The following FBXL18 variants were observed in gnomAD, a reference collection of about 807,000 sequenced individuals.
FBXL18 encodes F-box and leucine rich repeat protein 18, also known as F-box/LRR-repeat protein 18.
In FBXL18, 36 loss-of-function variants were observed where a neutral mutation model predicts 46.0. The observed-to-expected ratio is 0.78, with a 90% CI of 0.60 to 1.03. FBXL18 has a LOEUF of 1.03. Ranked by LOEUF, FBXL18 falls within the 50% of genes least tolerant of loss-of-function variation. FBXL18 has a pLI of 0.00. For missense variants in FBXL18, 977 were observed against 1,004.1 expected (o/e 0.97, Z 0.36); for synonymous variants, 557 against 465.3 (o/e 1.20, Z -2.54).
At chr7:5,462,163 G>C (rs1297651516) in intron 4 of FBXL18, among the ~76,000 whole-genome samples, 1 of 151,228 alleles carries the variant, frequency 6.6e-6, no homozygotes, top group Non-Finnish European at 1.5e-5. Context: ...AGGAGGTGGA[G>C]GCTGCAGTGA....
intron 4 of FBXL18, among the ~76,000 whole-genome samples, chr7:5,487,698 G>T (rs970084401): frequency 1.7e-4 from 26 of 152,286 alleles, no homozygotes; most frequent in African/African-American, 6.3e-4. Flanking sequence ...GCCTGGAGCA[G>T]AGAGAGGCAC....
rs552105288 is a variant in FBXL18, at chr7:5,493,669, G to A, written c.1782-2220C>T. On this transcript the variant is annotated intron_variant, in intron 3 of 4. Transcript: ENST00000382368. The stretch of plus-strand genomic sequence containing the variant: ...GTTATTTACTTTTGTGTGTGTGTGC[G>A]TGCGTGCGTGCGTGCGTGTGTGTGT... Among the ~76,000 whole-genome samples, 91 of 90,310 alleles carry A rather than the reference G, an allele frequency of 1.0e-3. No individual in the cohort carries two copies. In the Admixed American group the frequency reaches 0.011, roughly 10 times the overall value. 59.2% of individuals were successfully genotyped at this position (90,310 alleles called of 152,430 possible). A position where few individuals can be genotyped will look rare whatever the true frequency, so the allele number is the denominator to read the frequency against.
chr7:5,455,031 C>G lies in FBXL18; in HGVS notation c.2001-7188G>C, dbSNP rs1241763175. On this transcript the variant is annotated intron_variant and NMD_transcript_variant, in intron 4 of 6. Coordinates refer to the FBXL18 transcript ENST00000415009. The surrounding 1 kb of genome is among the most constrained non-coding windows in gnomAD (Gnocchi z 4.6). ...GGTGCTCTAAGAGTGATCCCAGTCACACTGGCACTCCGAGTGCCACCTTCC... is the reference window on the plus strand; with the variant it reads ...GGTGCTCTAAGAGTGATCCCAGTCAGACTGGCACTCCGAGTGCCACCTTCC... Among the ~76,000 whole-genome samples the G allele has an allele frequency of 6.6e-6, 1 of 152,212 alleles. No homozygotes were observed. The highest frequency in any genetic ancestry group is 1.5e-5 in the Non-Finnish European group (1 of 68,038).
intron 4 of FBXL18, among the ~76,000 whole-genome samples, chr7:5,460,170 C>A (rs981139985): frequency 7.9e-5 from 12 of 152,120 alleles, no homozygotes; most frequent in Non-Finnish European, 1.3e-4. Context: ...AGGAGAATCA[C>A]TTGAACCTGG....
chr7:5,466,205 G>A lies in FBXL18; in HGVS notation c.2001-18362C>T, dbSNP rs558025163. ...AAGAAAAGAAAAGAAAAAAAAAAGAGGTCACCAGAAACCCTTCCATCTGGA... is the reference window on the plus strand; with the variant it reads ...AAGAAAAGAAAAGAAAAAAAAAAGAAGTCACCAGAAACCCTTCCATCTGGA... On this transcript the variant is annotated intron_variant and NMD_transcript_variant, in intron 4 of 6. Transcript: ENST00000415009. Among the ~76,000 whole-genome samples, 21 of 151,746 alleles carry A rather than the reference G, an allele frequency of 1.4e-4. No homozygotes were observed. In the South Asian group the frequency reaches 4.2e-3, roughly 30 times the overall value.
downstream of FBXL18, among the ~76,000 whole-genome samples, chr7:5,473,842 T>C (rs551923851): frequency 6.6e-6 from 1 of 151,682 alleles, no homozygotes; most frequent in South Asian, 2.1e-4. Context: ...CCCAGGCTGC[T>C]GGAGGGTAAT....
intron 4 of FBXL18, among the ~76,000 whole-genome samples, 175 bp from the exon 5 acceptor site, chr7:5,482,106 G>A (rs540702416): frequency 1.6e-4 from 25 of 152,338 alleles, no homozygotes; most frequent in African/African-American, 5.3e-4. Context: ...GGCCCTGTAC[G>A]TGGCAGACAG....
intron 3 of FBXL18, among the ~76,000 whole-genome samples, chr7:5,492,030 C>G (rs1286523941): frequency 1.3e-5 from 2 of 151,326 alleles, no homozygotes; most frequent in African/African-American, 4.9e-5. Flanking sequence ...GAGGACAGCG[C>G]TGGATGGCTG....
rs1485418996 is a variant in FBXL18 at position 5,481,539 on chromosome 7, G to A, written c.*236C>T. 5.3e-6 allele frequency: 2 copies of A among 380,496 alleles called. No homozygotes were observed. Among genetic ancestry groups the A allele is most frequent in the Admixed American group, 8.9e-5 (2 of 22,514 alleles). 23.6% of individuals were successfully genotyped at this position (380,496 alleles called of 1,614,324 possible). ...CCTGGTTCAGCCAGCCCCCCACATC[G>A]ACCGTCCCCCGAGCCCCCTCATGTC... On this transcript the variant is annotated 3_prime_UTR_variant, in exon 5 of 5. Coordinates refer to ENST00000382368, the MANE Select transcript of FBXL18 (RefSeq NM_024963.6).
rs868127462 is a variant in FBXL18 at position 5,498,493 on chromosome 7, C to T, written c.1781+1995G>A. Among the ~76,000 whole-genome samples the T allele has an allele frequency of 1.9e-4, 29 of 152,330 alleles. 1 individual carries two copies. The highest frequency in any genetic ancestry group is 6.8e-3 in the Middle Eastern group (2 of 294). ...CAGACCCCACCTATTCAGGGCTCTTCGCGTGTTCTGGCCTCCCTGGCAAAG... is the reference window on the plus strand; with the variant it reads ...CAGACCCCACCTATTCAGGGCTCTTTGCGTGTTCTGGCCTCCCTGGCAAAG... On this transcript the variant is annotated intron_variant, in intron 3 of 4. Coordinates refer to ENST00000382368, the MANE Select transcript of FBXL18 (RefSeq NM_024963.6).
chr7:5,495,035 TG>T lies in FBXL18; in HGVS notation c.1782-3587del, dbSNP rs138277218. On this transcript the variant is annotated intron_variant, in intron 3 of 4. Coordinates refer to ENST00000382368, the MANE Select transcript of FBXL18 (RefSeq NM_024963.6). The stretch of plus-strand genomic sequence containing the variant: ...TCCTAGGCTCCCACAGCACGCCGCC[TG>T]GGGCACGGCACCCAGGACGGTGGCA... 9.8e-3 allele frequency among the ~76,000 whole-genome samples: 1,487 copies of T among 152,212 alleles called. 24 individuals are homozygous for T. The highest frequency in any genetic ancestry group is 0.034 in the African/African-American group (1,405 of 41,520).
chr7:5,500,925 A>G lies in FBXL18; in HGVS notation c.1344T>C (p.Phe448=). ...QPAMHAVPRG[F]GKKVRVGVQS... ...GCACGCCCACACGCACTTTCTTGCC[A>G]AAGCCGCGCGGCACTGCGTGCATGG... Residue 448 remains phenylalanine, a synonymous_variant, in exon 3 of 5, where the codon TTT becomes TTC. Transcript: ENST00000382368. 1 of 1,563,808 alleles carries G rather than the reference A, an allele frequency of 6.4e-7. No individual in the cohort carries two copies. The highest frequency in any genetic ancestry group is 8.7e-7 in the Non-Finnish European group (1 of 1,155,842).
intron 4 of FBXL18, among the ~76,000 whole-genome samples, chr7:5,488,296 C>T (rs1011290160): frequency 2.6e-5 from 4 of 152,188 alleles, no homozygotes; most frequent in Non-Finnish European, 4.4e-5. Context: ...GGCTGGCATC[C>T]GGTGCCACGT....
chr7:5,458,676 A>G (rs961189097), intron 4 of FBXL18, among the ~76,000 whole-genome samples: 3 of 151,588 alleles, frequency 2.0e-5, no homozygotes, highest in Non-Finnish European at 4.4e-5. Flanking sequence ...CAGCCTGGGC[A>G]ACACAGCGAG....
In FBXL18 at chr7:5,504,501, T is replaced by C. The variant is rs549625027; in HGVS notation, c.237+911A>G. On this transcript the variant is annotated intron_variant, in intron 2 of 4. Coordinates refer to ENST00000382368, the MANE Select transcript of FBXL18 (RefSeq NM_024963.6). Reference sequence around the variant, plus strand: ...TTGTATTTTTTGTAGAGACAGGGTTTCACCATGTTGGCCAGGCTGGTCTCG... The same window carrying C: ...TTGTATTTTTTGTAGAGACAGGGTTCCACCATGTTGGCCAGGCTGGTCTCG... Among the ~76,000 whole-genome samples the C allele has an allele frequency of 2.1e-5, 3 of 144,642 alleles. No individual in the cohort carries two copies. The East Asian group carries it at 6.8e-4, about 33-fold the overall frequency. The allele number at this position is 144,642 out of a possible 152,430, so 94.9% of individuals were successfully genotyped here.
intron 1 of FBXL18, among the ~76,000 whole-genome samples, chr7:5,512,453 G>T (rs527928261): frequency 6.6e-6 from 1 of 152,162 alleles, no homozygotes; most frequent in East Asian, 1.9e-4. Flanking sequence ...TGTCTCTACT[G>T]AAAATACAAA....
intron 4 of FBXL18, among the ~76,000 whole-genome samples, chr7:5,470,017 G>A (rs1282249434): frequency 9.2e-5 from 14 of 152,120 alleles, no homozygotes; most frequent in African/African-American, 2.4e-4. Flanking sequence ...GGGTATGAAC[G>A]GGCGTGGGCG....
intron 4 of FBXL18, among the ~76,000 whole-genome samples, chr7:5,487,231 C>A (rs1324427576): frequency 6.6e-6 from 1 of 152,268 alleles, no homozygotes; most frequent in South Asian, 2.1e-4. Context: ...GTGACCGGGG[C>A]CGGCGTGGAG....
chr7:5,488,699 G>T (rs1783837202), intron 4 of FBXL18, among the ~76,000 whole-genome samples: 1 of 152,220 alleles, frequency 6.6e-6, no homozygotes, highest in Admixed American at 6.5e-5. Flanking sequence ...CCTGTGAGTG[G>T]AGCCCAGCCG....
Sources: allele counts gnomAD v4.1 joint callset (sites outside exome capture counted in the v4.1 genomes callset), GRCh38; gene constraint gnomAD v4.1.1; non-coding constraint Gnocchi (gnomAD v3.1); transcripts MANE v1.5; gene names NCBI Gene and HGNC (gene_info 2026-07-23, HGNC 2026-07-21).